NRXN3: variants seen among roughly 807,000 people sequenced by gnomAD.
The protein encoded by NRXN3 is neurexin 3, also known as neurexin III.
A neutral mutation model predicts 137.6 loss-of-function variants in NRXN3; 32 were observed. The ratio of observed to expected loss-of-function variants is 0.23; its 90% CI spans 0.18 to 0.31. The LOEUF is 0.31. Ranked by LOEUF, NRXN3 falls within the 10% of genes least tolerant of loss-of-function variation. NRXN3 has a pLI of 1.00. For synonymous variants in NRXN3, 798 were observed against 784.5 expected, an observed-to-expected ratio of 1.02 and a Z score of -0.29; for missense variants, 1,574 against 2,062.5, an observed-to-expected ratio of 0.76 and a Z score of 4.59.
intron 15 of NRXN3, among the ~76,000 whole-genome samples, chr14:79,358,749 C>T (rs1436364937): frequency 6.6e-6 from 1 of 151,982 alleles, no homozygotes; most frequent in African/African-American, 2.4e-5. Context: ...AATTAGCCTC[C>T]TCCCAAAGCC....
chr14:79,575,940 T>A (rs1349119409), intron 16 of NRXN3, among the ~76,000 whole-genome samples: 3 of 152,226 alleles, frequency 2.0e-5, no homozygotes, highest in African/African-American at 7.2e-5. Flanking sequence ...TTATGCTATT[T>A]TTTTAAGTTA....
intron 15 of NRXN3, among the ~76,000 whole-genome samples, chr14:79,358,261 CTA>C (rs2093498805): frequency 6.6e-6 from 1 of 152,058 alleles, no homozygotes; most frequent in Non-Finnish European, 1.5e-5. Flanking sequence ...GAGCCAAAGA[CTA>C]TCAAAAGAAA....
chr14:79,674,263 T>G (rs2098628803), intron 17 of NRXN3, among the ~76,000 whole-genome samples: 2 of 151,608 alleles, frequency 1.3e-5, no homozygotes, highest in Admixed American at 1.3e-4. Flanking sequence ...TTACTTAAAT[T>G]TTTTTTTTAC....
chr14:79,467,164 C>T, intron 15 of NRXN3, 57 bp from the exon 16 acceptor site: 1 of 1,516,592 alleles, frequency 6.6e-7, no homozygotes, highest in Non-Finnish European at 9.0e-7. Flanking sequence ...CAGTGTGCTA[C>T]AGCTGGCTGT....
At chr14:79,818,862 G>T (rs530179816) in intron 20 of NRXN3, among the ~76,000 whole-genome samples, 3 of 152,224 alleles carry the variant, frequency 2.0e-5, no homozygotes, top group East Asian at 3.9e-4. Flanking sequence ...TTATTCCAAG[G>T]CAAGTATGGC....
intron 20 of NRXN3, among the ~76,000 whole-genome samples, chr14:79,825,586 C>A (rs1402709310): frequency 2.6e-5 from 4 of 152,216 alleles, no homozygotes; most frequent in Non-Finnish European, 5.9e-5. Context: ...AGAAGTGCTT[C>A]ACTTTAACTT....
intron 19 of NRXN3, among the ~76,000 whole-genome samples, chr14:79,728,134 C>A (rs536221422): frequency 6.6e-6 from 1 of 152,098 alleles, no homozygotes; most frequent in Non-Finnish European, 1.5e-5. Flanking sequence ...AGTAGTCCTG[C>A]GGTATGTTAA....
intron 4 of NRXN3, among the ~76,000 whole-genome samples, chr14:78,625,501 G>A (rs972607692): frequency 6.6e-6 from 1 of 152,194 alleles, no homozygotes; most frequent in Non-Finnish European, 1.5e-5. Flanking sequence ...TACATCAAAG[G>A]AAGGTTACTG....
Position 79,421,918 on chromosome 14 carries a change from C to T in NRXN3, c.3263-45303C>T, listed in dbSNP as rs145870224. Among the ~76,000 whole-genome samples the T allele has an allele frequency of 4.3e-3, 653 of 152,284 alleles. 6 individuals carry two copies. The highest frequency in any genetic ancestry group is 0.014 in the African/African-American group (590 of 41,554). On this transcript the variant is annotated intron_variant, in intron 15 of 20. Coordinates refer to ENST00000335750, the MANE Select transcript of NRXN3 (RefSeq NM_001330195.2). ...ATTGTATTCAGTAAAACTTCTAGAG[C>T]AGTCCTTACACTAGTAACAAGTTTC... is the stretch of plus-strand genomic sequence containing the variant.
intron 17 of NRXN3, among the ~76,000 whole-genome samples, chr14:79,673,283 G>A (rs946053762): frequency 5.3e-5 from 8 of 152,066 alleles, no homozygotes; most frequent in African/African-American, 1.2e-4. Flanking sequence ...TTTTCCACAC[G>A]GTACTTTTAC....
chr14:78,190,112 C>T (rs1378836219), intron 1 of NRXN3, among the ~76,000 whole-genome samples: 1 of 152,204 alleles, frequency 6.6e-6, no homozygotes, highest in African/African-American at 2.4e-5. Flanking sequence ...CAGTGAACAC[C>T]TGCTGAATGA....
intron 15 of NRXN3, among the ~76,000 whole-genome samples, chr14:79,260,636 A>G (rs1017988948): frequency 6.6e-6 from 1 of 152,170 alleles, no homozygotes; most frequent in African/African-American, 2.4e-5. Flanking sequence ...GCCCAATATC[A>G]TAGTCACACC....
chr14:78,895,486 G>A (rs1397995058), intron 10 of NRXN3, among the ~76,000 whole-genome samples: 1 of 151,842 alleles, frequency 6.6e-6, no homozygotes, highest in African/African-American at 2.4e-5. Flanking sequence ...GTTGTGGCTG[G>A]TTTGATCTTC....
chr14:79,337,816 G>T (rs996872520), intron 15 of NRXN3, among the ~76,000 whole-genome samples: 30 of 152,088 alleles, frequency 2.0e-4, no homozygotes, highest in Non-Finnish European at 4.4e-5. Context: ...AGAAATGTAG[G>T]CTCTTGAGGT....
chr14:78,779,756 A>G (rs1379921073), intron 8 of NRXN3, among the ~76,000 whole-genome samples: 17 of 152,224 alleles, frequency 1.1e-4, no homozygotes. Flanking sequence ...TAATCGAATA[A>G]AAGATTCAAG....
At chr14:78,962,848 G>A (rs1401477813) in intron 11 of NRXN3, among the ~76,000 whole-genome samples, 1 of 152,050 alleles carries the variant, frequency 6.6e-6, no homozygotes, top group African/African-American at 2.4e-5. Flanking sequence ...CAAGTAGCTG[G>A]GACTACAGGC....
chr14:78,877,668 T>C (rs1054280470), intron 10 of NRXN3, among the ~76,000 whole-genome samples: 18 of 152,222 alleles, frequency 1.2e-4, no homozygotes, highest in African/African-American at 3.9e-4. Flanking sequence ...ATGTGTAATG[T>C]TAAGTTCTAT....
rs140728106 is a variant in NRXN3 at position 79,327,635 on chromosome 14, A to C, written c.3263-139586A>C. Among the ~76,000 whole-genome samples, 958 of 152,290 alleles carry C rather than the reference A, an allele frequency of 6.3e-3. 10 individuals are homozygous for C. The highest frequency in any genetic ancestry group is 0.022 in the African/African-American group (926 of 41,552). ...GCAGTTCAGATATCATCTGTGTCCC[A>C]TGAAGTCTACTCTCTCCCAGGGGAA... On this transcript the variant is annotated intron_variant, in intron 15 of 20. Transcript: ENST00000335750.
At chr14:78,408,872 A>G (rs1422354166) in intron 4 of NRXN3, among the ~76,000 whole-genome samples, 1 of 152,242 alleles carries the variant, frequency 6.6e-6, no homozygotes, top group Non-Finnish European at 1.5e-5. Flanking sequence ...ATTTCATCTC[A>G]AGTTGAGAGC....
Sources: allele counts gnomAD v4.1 joint callset (sites outside exome capture counted in the v4.1 genomes callset), GRCh38; gene constraint gnomAD v4.1.1; transcripts MANE v1.5; gene names NCBI Gene and HGNC (gene_info 2026-07-23, HGNC 2026-07-21).